Variants in DNER observed in about 807,000 individuals in gnomAD.
The protein encoded by DNER is delta and Notch-like epidermal growth factor-related receptor.
DNER carries 33 observed loss-of-function variants against 78.2 expected under a neutral mutation model. The observed-to-expected ratio is 0.42, with a 90% CI of 0.32 to 0.56. DNER has a LOEUF of 0.56. Among genes scored for constraint, DNER ranks in the 20% least tolerant of loss-of-function variants. The pLI, the probability that DNER is intolerant of heterozygous loss-of-function variation, is 0.11. For missense variants in DNER, 918 were observed against 975.3 expected (o/e 0.94, Z 0.78); for synonymous variants, 417 against 384.8 (o/e 1.08, Z -0.98).
At chr2:229,678,606 G>C (rs1181742055) in intron 1 of DNER, among the ~76,000 whole-genome samples, 3 of 152,222 alleles carry the variant, frequency 2.0e-5, no homozygotes, top group Non-Finnish European at 4.4e-5. Flanking sequence ...TGTTGCAAAA[G>C]CTAGACCAGT....
At chr2:229,668,872 A>G (rs1699157954) in intron 1 of DNER, among the ~76,000 whole-genome samples, 1 of 152,008 alleles carries the variant, frequency 6.6e-6, no homozygotes, top group Admixed American at 6.5e-5. Context: ...ATTACTGGGT[A>G]TATATCCAAA....
At chr2:229,513,876 C>T (rs561873418) in intron 5 of DNER, among the ~76,000 whole-genome samples, 1 of 152,136 alleles carries the variant, frequency 6.6e-6, no homozygotes, top group African/African-American at 2.4e-5. Context: ...CAGCCATTAT[C>T]CCCTCACCCT....
Position 229,702,080 on chromosome 2 carries a change from T to C in DNER, c.276+12068A>G, listed in dbSNP as rs955649047. ...TGAAAGGAGCTGCAGTGCTTAACCA[T>C]GGAACCCAGGAAAAACTGATAGAAT... On this transcript the variant is annotated intron_variant, in intron 1 of 12. Transcript: ENST00000341772. 2.3e-5 allele frequency: 4 copies of C among 173,894 alleles called. No homozygotes were observed. In the Admixed American group the frequency reaches 2.3e-4, roughly 10 times the overall value. 10.8% of individuals were successfully genotyped at this position (173,894 alleles called of 1,614,324 possible). A position where few individuals can be genotyped will look rare whatever the true frequency, so the allele number is the denominator to read the frequency against.
intron 10 of DNER, among the ~76,000 whole-genome samples, chr2:229,403,823 G>A (rs922870161): frequency 2.6e-5 from 4 of 152,050 alleles, no homozygotes; most frequent in South Asian, 2.1e-4. Flanking sequence ...TGAGAAGAGC[G>A]TGACATGGTA....
intron 7 of DNER, among the ~76,000 whole-genome samples, chr2:229,474,639 T>C (rs567426724): frequency 7.9e-5 from 12 of 152,154 alleles, no homozygotes; most frequent in Non-Finnish European, 1.5e-4. Flanking sequence ...TCCAGACTCA[T>C]AGAGCCACAG....
At chr2:229,447,070 G>T (rs777651371) in intron 8 of DNER, among the ~76,000 whole-genome samples, 1 of 152,184 alleles carries the variant, frequency 6.6e-6, no homozygotes, top group South Asian at 2.1e-4. Flanking sequence ...AGTTGATCAT[G>T]AAATGATGAA....
chr2:229,588,346 T>C (rs371607356), intron 3 of DNER, 48 bp downstream of exon 3: 50 of 1,576,626 alleles, frequency 3.2e-5, no homozygotes, highest in Non-Finnish European at 4.1e-5. Flanking sequence ...ACCCCACTTA[T>C]AGGTCATAGC....
At chr2:229,470,427 A>T (rs1451544772) in intron 7 of DNER, among the ~76,000 whole-genome samples, 1 of 152,244 alleles carries the variant, frequency 6.6e-6, no homozygotes, top group Non-Finnish European at 1.5e-5. Flanking sequence ...AATGAAAAAA[A>T]GCAGGCAACT....
At chr2:229,504,504 G>A (rs1232427125) in intron 6 of DNER, among the ~76,000 whole-genome samples, 2 of 152,316 alleles carry the variant, frequency 1.3e-5, no homozygotes, top group East Asian at 1.9e-4. Context: ...ACAGGCATGA[G>A]CCACCATGCC....
At chr2:229,376,321 C>T (rs147351129) in intron 11 of DNER, among the ~76,000 whole-genome samples, 4 of 152,136 alleles carry the variant, frequency 2.6e-5, no homozygotes, top group African/African-American at 9.7e-5. Context: ...TGCCCTTCCA[C>T]TATGTGAAGA....
intron 9 of DNER, 144 bp downstream of exon 9, chr2:229,417,964 G>T: frequency 1.5e-6 from 2 of 1,350,216 alleles, no homozygotes; most frequent in Non-Finnish European, 1.0e-6. Flanking sequence ...TGGTCTCCTT[G>T]GACCGATTAA....
chr2:229,529,674 A>G (rs1696266769), intron 5 of DNER, among the ~76,000 whole-genome samples: 1 of 152,212 alleles, frequency 6.6e-6, no homozygotes, highest in South Asian at 2.1e-4. Context: ...TACAAGAAAA[A>G]AAAGGTAAAG....
Position 229,512,922 on chromosome 2 carries a change from A to G in DNER, c.1008T>C (p.Cys336=). 1 of 1,614,002 alleles carries G rather than the reference A, an allele frequency of 6.2e-7. No homozygotes were observed. Among genetic ancestry groups the G allele is most frequent in the Non-Finnish European group, 8.5e-7 (1 of 1,179,944 alleles). Residue 336 remains cysteine, a synonymous_variant, in exon 6 of 13, where the codon TGT becomes TGC. Coordinates refer to ENST00000341772, the MANE Select transcript of DNER (RefSeq NM_139072.4). ...TTKPSEATFS[C]TCEEQYVGTF... ...TACCCACGTACTGCTCCTCACAGGT[A>G]CAGGAAAAAGTTGCCTAAAACACAA... is the stretch of plus-strand genomic sequence containing the variant.
At chr2:229,487,173 T>A (rs1431459037) in intron 6 of DNER, among the ~76,000 whole-genome samples, 5 of 152,146 alleles carry the variant, frequency 3.3e-5, no homozygotes, top group African/African-American at 1.2e-4. Context: ...GAGTGGGAGG[T>A]CTTGGGCTCA....
intron 1 of DNER, among the ~76,000 whole-genome samples, chr2:229,705,650 C>T (rs1212058992): frequency 6.6e-6 from 1 of 152,192 alleles, no homozygotes; most frequent in Admixed American, 6.5e-5. Context: ...AGATCCCCAA[C>T]TCTGTCACCA....
chr2:229,624,957 A>T (rs1698311426), intron 1 of DNER, among the ~76,000 whole-genome samples: 1 of 152,212 alleles, frequency 6.6e-6, no homozygotes, highest in African/African-American at 2.4e-5. Context: ...TCAAATATGT[A>T]AGCAAAATCT....
In DNER at chr2:229,433,273, C is replaced by T. The variant is rs376101177; in HGVS notation, c.1486+14043G>A. Among the ~76,000 whole-genome samples, 13 of 152,248 alleles carry T rather than the reference C, an allele frequency of 8.5e-5. No homozygotes were observed. In the East Asian group the frequency reaches 1.4e-3, roughly 16 times the overall value. The stretch of plus-strand genomic sequence containing the variant: ...TTTAACAGCCATGGCATCTCCTAAG[C>T]GCGTTTAACTAATCCAACCGCAAAA... On this transcript the variant is annotated intron_variant, in intron 8 of 12. Transcript: ENST00000341772.
chr2:229,561,552 C>CA (rs955510606), intron 4 of DNER, among the ~76,000 whole-genome samples: 3 of 151,188 alleles, frequency 2.0e-5, no homozygotes, highest in Non-Finnish European at 3.0e-5. Flanking sequence ...AAAGAGTGAA[C>CA]AAAAAAAAAT....
chr2:229,397,366 C>T (rs10172172), intron 10 of DNER, among the ~76,000 whole-genome samples: 58,988 of 150,720 alleles, frequency 0.39, 12,453 homozygotes, highest in Middle Eastern at 0.49. Context: ...AAAACTCCCA[C>T]GAAAGCCTGT....
Sources: allele counts gnomAD v4.1 joint callset (sites outside exome capture counted in the v4.1 genomes callset), GRCh38; gene constraint gnomAD v4.1.1; transcripts MANE v1.5; gene names NCBI Gene and HGNC (gene_info 2026-07-23, HGNC 2026-07-21).